Variants in OTUD7A observed in about 807,000 individuals in gnomAD.
The protein encoded by OTUD7A is OTU domain-containing protein 7A.
OTUD7A carries 12 observed loss-of-function variants against 65.7 expected under a neutral mutation model. The ratio of observed to expected loss-of-function variants is 0.18; its 90% CI spans 0.12 to 0.30. The LOEUF (loss-of-function observed/expected upper bound fraction) is 0.30, where lower values mean the gene tolerates loss of function less well. Ranked by LOEUF, OTUD7A falls within the 10% of genes least tolerant of loss-of-function variation. The pLI is 1.00. For synonymous variants in OTUD7A, 641 were observed against 586.3 expected, an observed-to-expected ratio of 1.09 and a Z score of -1.35; for missense variants, 1,148 against 1,304.8, an observed-to-expected ratio of 0.88 and a Z score of 1.85.
intron 1 of OTUD7A, among the ~76,000 whole-genome samples, chr15:31,760,314 C>A (rs1894926221): frequency 6.6e-6 from 1 of 152,186 alleles, no homozygotes; most frequent in African/African-American, 2.4e-5. Flanking sequence ...TCCTTCTTCT[C>A]TATATGAGAT....
chr15:31,740,632 A>C (rs987759669), intron 1 of OTUD7A, among the ~76,000 whole-genome samples: 1 of 152,178 alleles, frequency 6.6e-6, no homozygotes, highest in African/African-American at 2.4e-5. Flanking sequence ...AGAGGGGGAA[A>C]AAAAACAGAA....
chr15:31,683,649 C>A (rs1440590914), intron 1 of OTUD7A, among the ~76,000 whole-genome samples: 1 of 151,934 alleles, frequency 6.6e-6, no homozygotes, highest in Non-Finnish European at 1.5e-5. Context: ...CTACTATACA[C>A]CCACAGAAAT....
intron 8 of OTUD7A, among the ~76,000 whole-genome samples, chr15:31,519,367 T>C (rs1320614449): frequency 6.6e-6 from 1 of 152,278 alleles, no homozygotes; most frequent in Admixed American, 6.5e-5. Flanking sequence ...CACCTGATTA[T>C]GGTGTATTAT....
intron 1 of OTUD7A, among the ~76,000 whole-genome samples, chr15:31,729,669 G>A (rs1893988040): frequency 6.6e-6 from 1 of 152,120 alleles, no homozygotes; most frequent in African/African-American, 2.4e-5. Context: ...CTTTCTGTGT[G>A]CTTAATCCCA....
rs1187019741 is a variant in OTUD7A, at chr15:31,477,052, C to T, written c.*6242G>A. The T allele has an allele frequency of 6.6e-6, 1 of 152,438 alleles. No homozygotes were observed. Among genetic ancestry groups the T allele is most frequent in the African/African-American group, 2.4e-5 (1 of 41,468 alleles). The allele number at this position is 152,438 out of a possible 1,614,324, so 9.4% of individuals were successfully genotyped here. On this transcript the variant is annotated 3_prime_UTR_variant, in exon 13 of 13. Coordinates refer to ENST00000307050, the MANE Select transcript of OTUD7A (RefSeq NM_001382637.1). ...GTGTCAAGGCCCTGACCTTCCAGTG[C>T]ACCTCCACCAGTGGCCAATGGGGAT...
intron 5 of OTUD7A, among the ~76,000 whole-genome samples, chr15:31,537,767 G>A (rs1175404395): frequency 3.3e-5 from 5 of 152,218 alleles, no homozygotes; most frequent in Non-Finnish European, 5.9e-5. Context: ...ACCAAAGTGG[G>A]CAGCCTTGTT....
At chr15:31,814,363 T>C (rs1896496890) in intron 1 of OTUD7A, among the ~76,000 whole-genome samples, 1 of 152,174 alleles carries the variant, frequency 6.6e-6, no homozygotes, top group South Asian at 2.1e-4. Context: ...CCCAGCCGAG[T>C]GCCCTGAAGA....
chr15:31,495,956 C>T (rs1327207013), intron 10 of OTUD7A, among the ~76,000 whole-genome samples: 1 of 151,132 alleles, frequency 6.6e-6, no homozygotes, highest in Non-Finnish European at 1.5e-5. Context: ...GTCCCACCTA[C>T]TCGGGAGGCT....
intron 3 of OTUD7A, among the ~76,000 whole-genome samples, chr15:31,620,480 C>T (rs1030305961): frequency 8.6e-5 from 13 of 151,806 alleles, no homozygotes; most frequent in African/African-American, 3.2e-4. Context: ...TCAACTTCTT[C>T]CTGGTTTAGT....
chr15:31,485,197 G>C (rs1436877369), intron 12 of OTUD7A, among the ~76,000 whole-genome samples: 1 of 152,198 alleles, frequency 6.6e-6, no homozygotes, highest in African/African-American at 2.4e-5. Context: ...GCCTCTGTAA[G>C]GATGGAGGCC....
chr15:31,820,470 T>C (rs921682379), intron 1 of OTUD7A, among the ~76,000 whole-genome samples: 4 of 152,238 alleles, frequency 2.6e-5, no homozygotes, highest in African/African-American at 9.6e-5. Flanking sequence ...CTGACATTGA[T>C]GCAATCGTTA....
At chr15:31,848,735 G>A (rs1897348286) in intron 1 of OTUD7A, among the ~76,000 whole-genome samples, 1 of 152,190 alleles carries the variant, frequency 6.6e-6, no homozygotes, top group Non-Finnish European at 1.5e-5. Flanking sequence ...AGTTGTGAAA[G>A]GCTGGTGAGT....
At chr15:31,551,267 A>G (rs939608990) in intron 5 of OTUD7A, among the ~76,000 whole-genome samples, 4 of 152,148 alleles carry the variant, frequency 2.6e-5, no homozygotes, top group African/African-American at 9.7e-5. Context: ...GTGGTGCCCG[A>G]GATAAAGGTG....
rs374169911 is a variant in OTUD7A, at chr15:31,590,167, T to C, written c.152-19970A>G. ...GTAACTTCATAGTGCAACACATACC[T>C]TTTCTATGTTTAGATATACAAATAC... On this transcript the variant is annotated intron_variant, in intron 3 of 12. Coordinates refer to ENST00000307050, the MANE Select transcript of OTUD7A (RefSeq NM_001382637.1). Among the ~76,000 whole-genome samples, 305 of 152,354 alleles carry C rather than the reference T, an allele frequency of 2.0e-3. 1 individual carries two copies. The highest frequency in any genetic ancestry group is 7.0e-3 in the African/African-American group (291 of 41,588).
chr15:31,715,996 T>C (rs1314428306), intron 1 of OTUD7A, among the ~76,000 whole-genome samples: 1 of 55,754 alleles, frequency 1.8e-5, no homozygotes, highest in African/African-American at 3.9e-5. Flanking sequence ...TGCTGGTTTG[T>C]AAGGAAGTTA....
At chr15:31,645,311 C>A (rs1215570024) in intron 3 of OTUD7A, among the ~76,000 whole-genome samples, 4 of 152,172 alleles carry the variant, frequency 2.6e-5, no homozygotes, top group Non-Finnish European at 5.9e-5. Flanking sequence ...CTTTTTCAGG[C>A]AGGAGGGCAC....
At chr15:31,500,827 G>A (rs1446192234) in intron 10 of OTUD7A, among the ~76,000 whole-genome samples, 1 of 152,220 alleles carries the variant, frequency 6.6e-6, no homozygotes, top group African/African-American at 2.4e-5. Context: ...GAAATAGTTG[G>A]TCTTGCCTGT....
intron 1 of OTUD7A, among the ~76,000 whole-genome samples, chr15:31,856,816 C>T (rs1897586405): frequency 6.6e-6 from 1 of 152,236 alleles, no homozygotes; most frequent in Admixed American, 6.5e-5. Flanking sequence ...GTCTGCCCAA[C>T]GGGTCCAGAT....
At position 31,845,349 on chromosome 15, in the gene OTUD7A, G is replaced by A. The variant is rs151269665; in HGVS notation, c.-100+25158C>T. ...GGAGCCACACTCAGTGCAGATTCTG[G>A]CCCCTACTTCTGTCCTGATTCTGCC... On this transcript the variant is annotated intron_variant, in intron 1 of 12. Transcript: ENST00000307050. Among the ~76,000 whole-genome samples the A allele has an allele frequency of 1.5e-3, 236 of 152,288 alleles. 3 individuals are homozygous for A. The highest frequency in any genetic ancestry group is 5.5e-3 in the African/African-American group (228 of 41,544).
Sources: gnomAD v4.1 joint callset for allele counts (sites outside exome capture counted in the v4.1 genomes callset) on GRCh38, gnomAD v4.1.1 for gene constraint, MANE v1.5 for transcripts, NCBI Gene and HGNC (gene_info 2026-07-23, HGNC 2026-07-21) for gene names.